OSBP2: variants seen among roughly 807,000 people sequenced by gnomAD.
The protein encoded by OSBP2 is oxysterol-binding protein 2.
In OSBP2, 66 loss-of-function variants were observed where a neutral mutation model predicts 96.0. The observed-to-expected ratio is 0.69, with a 90% confidence interval of 0.56 to 0.84. The LOEUF is 0.84. OSBP2 is among the 40% of genes least tolerant of loss of function. OSBP2 has a pLI of 0.00. For synonymous variants in OSBP2, 525 were observed against 520.9 expected (o/e 1.01, Z -0.11); for missense variants, 1,038 against 1,222.7 (o/e 0.85, Z 2.25).
At chr22:30,768,772 A>G (rs1280837170) in intron 2 of OSBP2, among the ~76,000 whole-genome samples, 1 of 152,206 alleles carries the variant, frequency 6.6e-6, no homozygotes, top group Non-Finnish European at 1.5e-5. Context: ...CTTGATTGCT[A>G]ATTGTTTCCT....
chr22:30,827,689 A>T (rs929240221), intron 2 of OSBP2, among the ~76,000 whole-genome samples: 2 of 152,200 alleles, frequency 1.3e-5, no homozygotes, highest in Non-Finnish European at 2.9e-5. Flanking sequence ...GCCCGTGGGC[A>T]TGGGACAAGT....
At chr22:30,709,683 A>G (rs1265268507) in intron 1 of OSBP2, among the ~76,000 whole-genome samples, 1 of 150,908 alleles carries the variant, frequency 6.6e-6, no homozygotes, top group African/African-American at 2.5e-5. Flanking sequence ...ACCTGGCCAA[A>G]TTAGTCTAAT....
chr22:30,796,119 G>A (rs547211495), intron 2 of OSBP2, among the ~76,000 whole-genome samples: 2 of 152,196 alleles, frequency 1.3e-5, no homozygotes, highest in African/African-American at 2.4e-5. Flanking sequence ...TGCCCTAACT[G>A]CCATGGGCTT....
upstream of OSBP2, chr22:30,693,857 A>G (rs1044211806): frequency 7.6e-6 from 4 of 527,264 alleles, no homozygotes; most frequent in Non-Finnish European, 1.4e-5. Context: ...TCCAGCTACT[A>G]GGGAGGCCAA....
At chr22:30,736,474 C>T (rs768508168) in intron 1 of OSBP2, among the ~76,000 whole-genome samples, 5 of 152,184 alleles carry the variant, frequency 3.3e-5, no homozygotes, top group Admixed American at 6.5e-5. Context: ...GGAATATCTC[C>T]CATCCAATCC....
intron 2 of OSBP2, among the ~76,000 whole-genome samples, chr22:30,771,804 A>G (rs540853351): frequency 3.2e-4 from 48 of 152,304 alleles, no homozygotes; most frequent in African/African-American, 7.9e-4. Flanking sequence ...GAAGGTGGGA[A>G]GGGCTCAGGC....
rs7364320 is a variant in OSBP2 at position 30,847,570 on chromosome 22, G to A, written c.854-22859G>A. Among the ~76,000 whole-genome samples, 497 of 152,230 alleles carry A rather than the reference G, an allele frequency of 3.3e-3. 3 individuals carry two copies. Among genetic ancestry groups the A allele is most frequent in the Non-Finnish European group, 5.5e-3 (374 of 68,014 alleles). ...GCTGAGATTACAGGTGTGAGCCACC[G>A]TGCCCAGCCTAATTCTTAAATATTT... On this transcript the variant is annotated intron_variant, in intron 2 of 13. Coordinates refer to ENST00000332585, the MANE Select transcript of OSBP2 (RefSeq NM_030758.4).
intron 2 of OSBP2, among the ~76,000 whole-genome samples, chr22:30,775,040 T>C (rs1480685877): frequency 6.6e-6 from 1 of 152,184 alleles, no homozygotes; most frequent in Non-Finnish European, 1.5e-5. Context: ...CCCCCATTAT[T>C]ACTATTTTAA....
intron 2 of OSBP2, among the ~76,000 whole-genome samples, chr22:30,846,126 C>CATTTT (rs1341801453): frequency 5.3e-4 from 80 of 151,938 alleles, no homozygotes; most frequent in Middle Eastern, 3.4e-3. Context: ...GTGATCATAT[C>CATTTT]ATTTTATTTT....
At chr22:30,745,379 G>A (rs544989419) in intron 2 of OSBP2, among the ~76,000 whole-genome samples, 14 of 152,182 alleles carry the variant, frequency 9.2e-5, no homozygotes, top group South Asian at 6.2e-4. Context: ...TTAAAGTTGG[G>A]CTGGGCGTGG....
Position 30,695,019 on chromosome 22 carries a change from C to T in OSBP2, c.110C>T (p.Pro37Leu). The change falls in exon 1 of 14, where the codon CCG becomes CTG. Residue 37 changes from proline to leucine, a missense_variant. This residue lies in a region of OSBP2 where 281 missense variants were observed against 273.4 expected (regional missense o/e 1.03). Coordinates refer to ENST00000332585, the MANE Select transcript of OSBP2 (RefSeq NM_030758.4). ...TGCCTGTCGTGCCACACGGCGGCGC[C>T]GGGCATGAGCGCTTCCACGTCCGGC... Reference protein sequence around the residue: ...VPCLSCHTAAPGMSASTSGSG... With the variant: ...VPCLSCHTAALGMSASTSGSG... 6.3e-7 allele frequency: 1 copy of T among 1,583,748 alleles called. No individual in the cohort carries two copies. The highest frequency in any genetic ancestry group is 8.6e-7 in the Non-Finnish European group (1 of 1,167,436).
chr22:30,855,682 T>C (rs576972462), intron 2 of OSBP2, among the ~76,000 whole-genome samples: 3 of 152,334 alleles, frequency 2.0e-5, no homozygotes, highest in African/African-American at 7.2e-5. Context: ...AATCAGAGCC[T>C]GTCTCTTCTA....
At position 30,799,799 on chromosome 22, in the gene OSBP2, A is replaced by G. The variant is rs145776006; in HGVS notation, c.853+58430A>G. On this transcript the variant is annotated intron_variant, in intron 2 of 13. Coordinates refer to ENST00000332585, the MANE Select transcript of OSBP2 (RefSeq NM_030758.4). ...ATTTTGAAGCATTACTGTGGCAAGA[A>G]TAGGCCACCTGTTTTGTGGGTTTCT... 1.6e-3 allele frequency among the ~76,000 whole-genome samples: 250 copies of G among 152,362 alleles called. 1 individual carries two copies. Among genetic ancestry groups the G allele is most frequent in the Non-Finnish European group, 3.2e-3 (217 of 68,034 alleles).
At chr22:30,698,360 C>T (rs1338688166) in intron 1 of OSBP2, among the ~76,000 whole-genome samples, 1 of 152,054 alleles carries the variant, frequency 6.6e-6, no homozygotes, top group Non-Finnish European at 1.5e-5. Context: ...GGCAATGTGG[C>T]TGGCGAAGAA....
intron 2 of OSBP2, among the ~76,000 whole-genome samples, chr22:30,845,878 C>CA (rs544099138): frequency 0.22 from 15,227 of 70,086 alleles, 1,688 homozygotes; most frequent in East Asian, 0.37. Flanking sequence ...GAGACTCTCT[C>CA]AAAAAAAAAA....
intron 2 of OSBP2, among the ~76,000 whole-genome samples, chr22:30,750,850 T>G (rs565565604): frequency 6.6e-6 from 1 of 152,228 alleles, no homozygotes; most frequent in East Asian, 1.9e-4. Flanking sequence ...GTTCGAGCAA[T>G]TCTCCTGCCT....
At chr22:30,821,427 G>A (rs1033667213) in intron 2 of OSBP2, among the ~76,000 whole-genome samples, 5 of 152,172 alleles carry the variant, frequency 3.3e-5, no homozygotes, top group Non-Finnish European at 7.3e-5. Flanking sequence ...TGTATTCTAC[G>A]GGTACAGCCA....
intron 2 of OSBP2, among the ~76,000 whole-genome samples, chr22:30,860,455 C>T (rs1372223327): frequency 6.6e-6 from 1 of 152,242 alleles, no homozygotes; most frequent in African/African-American, 2.4e-5. Flanking sequence ...CCCTTCCATG[C>T]TGTCAAACAG....
chr22:30,705,815 G>T (rs2089243661), intron 1 of OSBP2, among the ~76,000 whole-genome samples: 1 of 152,170 alleles, frequency 6.6e-6, no homozygotes, highest in Non-Finnish European at 1.5e-5. Context: ...TGACAGACCT[G>T]CATACCACTG....
Sources: gnomAD v4.1 joint callset for allele counts (sites outside exome capture counted in the v4.1 genomes callset) on GRCh38, gnomAD v4.1.1 for gene constraint, gnomAD v4.1.1 regional missense constraint, MANE v1.5 for transcripts, NCBI Gene and HGNC (gene_info 2026-07-23, HGNC 2026-07-21) for gene names.